The following PTCHD4 variants were observed in gnomAD, a reference collection of about 807,000 sequenced individuals.
The protein encoded by PTCHD4 is patched domain containing 4.
A neutral mutation model predicts 58.1 loss-of-function variants in PTCHD4; 33 were observed. The observed-to-expected ratio is 0.57, with a 90% CI of 0.43 to 0.76. PTCHD4 has a LOEUF of 0.76. Ranked by LOEUF, PTCHD4 falls within the 30% of genes least tolerant of loss-of-function variation. The pLI, the probability that PTCHD4 is intolerant of heterozygous loss-of-function variation, is 0.00. For synonymous variants in PTCHD4, 478 were observed against 409.6 expected (o/e 1.17, Z -2.02); for missense variants, 1,058 against 1,027.1 (o/e 1.03, Z -0.41).
rs1043494527 is a variant in PTCHD4 at position 48,022,146 on chromosome 6, C to A, written c.418-13032G>T. On this transcript the variant is annotated intron_variant, in intron 3 of 4. Transcript: ENST00000339488. Reference sequence around the variant, plus strand: ...CCTACTATGTGAAAAATATTCCCTCCCTCTTCCTTGTTCTATCTCCTTTCT... The same window carrying A: ...CCTACTATGTGAAAAATATTCCCTCACTCTTCCTTGTTCTATCTCCTTTCT... Among the ~76,000 whole-genome samples, 10 of 151,468 alleles carry A rather than the reference C, an allele frequency of 6.6e-5. No homozygotes were observed. In the East Asian group the frequency reaches 1.9e-3, roughly 29 times the overall value.
chr6:47,898,683 T>G (rs1051848388), intron 4 of PTCHD4, among the ~76,000 whole-genome samples: 6 of 152,202 alleles, frequency 3.9e-5, no homozygotes, highest in African/African-American at 1.2e-4. Flanking sequence ...GGAGGATACT[T>G]CTACCTCCCA....
At chr6:48,087,104 T>G (rs1431988290) in intron 1 of PTCHD4, among the ~76,000 whole-genome samples, 1 of 152,170 alleles carries the variant, frequency 6.6e-6, no homozygotes, top group Non-Finnish European at 1.5e-5. Flanking sequence ...AATCCTCCCC[T>G]CTTTTCTATG....
intron 4 of PTCHD4, among the ~76,000 whole-genome samples, chr6:47,965,788 G>A (rs556747691): frequency 1.3e-5 from 2 of 152,126 alleles, no homozygotes; most frequent in Admixed American, 6.5e-5. Flanking sequence ...ATTGGTGGGC[G>A]CCAGTAGTCC....
intron 4 of PTCHD4, among the ~76,000 whole-genome samples, chr6:47,904,937 A>T (rs751325939): frequency 2.0e-5 from 3 of 152,132 alleles, no homozygotes; most frequent in Non-Finnish European, 4.4e-5. Flanking sequence ...GAGTTAAGAC[A>T]TGAAGTGGTG....
At chr6:48,079,627 T>C (rs1765125206) in intron 1 of PTCHD4, among the ~76,000 whole-genome samples, 1 of 150,928 alleles carries the variant, frequency 6.6e-6, no homozygotes, top group South Asian at 2.1e-4. Flanking sequence ...TCTAATCTAG[T>C]AGGGCGGAGT....
At chr6:48,005,043 T>A (rs1045225081) in intron 4 of PTCHD4, among the ~76,000 whole-genome samples, 2 of 152,070 alleles carry the variant, frequency 1.3e-5, no homozygotes, top group East Asian at 3.9e-4. Context: ...ACACATATAA[T>A]TTTTTTTATG....
chr6:48,053,233 C>T (rs989708492), intron 3 of PTCHD4, among the ~76,000 whole-genome samples: 10 of 152,074 alleles, frequency 6.6e-5, no homozygotes, highest in African/African-American at 2.4e-4. Context: ...CGGAGAATGT[C>T]AAGTAAGTCT....
intron 4 of PTCHD4, among the ~76,000 whole-genome samples, chr6:47,949,705 A>T (rs1766561028): frequency 6.6e-6 from 1 of 151,964 alleles, no homozygotes; most frequent in African/African-American, 2.4e-5. Flanking sequence ...ATCCTTCAGA[A>T]CAAACAGTGA....
chr6:48,065,927 T>G (rs1764780366), intron 3 of PTCHD4, among the ~76,000 whole-genome samples: 1 of 152,208 alleles, frequency 6.6e-6, no homozygotes, highest in Admixed American at 6.5e-5. Context: ...AATGATTCCC[T>G]TCTTTAGCAA....
At chr6:47,949,658 T>G (rs1766558022) in intron 4 of PTCHD4, among the ~76,000 whole-genome samples, 1 of 151,998 alleles carries the variant, frequency 6.6e-6, no homozygotes, top group Non-Finnish European at 1.5e-5. Flanking sequence ...CTCTCTCTCT[T>G]TTTTTCCCCC....
chr6:47,879,594 C>T lies in PTCHD4; in HGVS notation c.1241G>A (p.Arg414His), dbSNP rs777076189. ...CKIPSAEYLD[R>H]KPVWFQTVMS... is the part of the protein sequence containing the mutation. Reference sequence around the variant, plus strand: ...CACTGTCTGGAACCACACAGGTTTGCGATCCAGGTATTCTGCAGAAGGGAT... The same window carrying T: ...CACTGTCTGGAACCACACAGGTTTGTGATCCAGGTATTCTGCAGAAGGGAT... Residue 414 changes from arginine to histidine, a missense_variant, in exon 5 of 5, where the codon CGC (arginine) becomes CAC (histidine). Transcript: ENST00000339488. The T allele has an allele frequency of 5.0e-6, 8 of 1,613,532 alleles. No individual in the cohort carries two copies. In the East Asian group the frequency reaches 6.7e-5, roughly 13 times the overall value.
intron 3 of PTCHD4, among the ~76,000 whole-genome samples, chr6:48,039,860 T>C (rs1461186598): frequency 1.3e-5 from 2 of 152,138 alleles, no homozygotes; most frequent in East Asian, 3.9e-4. Context: ...TTACATATGA[T>C]ATCATATTTG....
At chr6:47,883,559 A>T (rs1764087824) in intron 4 of PTCHD4, among the ~76,000 whole-genome samples, 1 of 152,238 alleles carries the variant, frequency 6.6e-6, no homozygotes, top group Admixed American at 6.5e-5. Flanking sequence ...ACTTTAAAAT[A>T]ACTTTAATTA....
intron 3 of PTCHD4, among the ~76,000 whole-genome samples, chr6:48,017,672 G>C (rs1762913117): frequency 6.6e-6 from 1 of 152,154 alleles, no homozygotes; most frequent in African/African-American, 2.4e-5. Context: ...TACTGGAGTA[G>C]CCTCAAGTCA....
intron 4 of PTCHD4, among the ~76,000 whole-genome samples, chr6:47,933,415 G>A (rs1469802576): frequency 6.6e-6 from 1 of 152,168 alleles, no homozygotes; most frequent in Non-Finnish European, 1.5e-5. Flanking sequence ...CTCTTCAAGG[G>A]CCCACATTTT....
chr6:47,951,993 A>C (rs906502769), intron 4 of PTCHD4, among the ~76,000 whole-genome samples: 3 of 152,300 alleles, frequency 2.0e-5, no homozygotes, highest in African/African-American at 7.2e-5. Flanking sequence ...GGAATATTTC[A>C]TTCCTGATTA....
At chr6:48,021,183 T>C (rs1187701428) in intron 3 of PTCHD4, among the ~76,000 whole-genome samples, 2 of 152,164 alleles carry the variant, frequency 1.3e-5, no homozygotes, top group East Asian at 3.8e-4. Flanking sequence ...TTATACATAC[T>C]ACAGTAGAAA....
chr6:48,041,690 C>T (rs674227), intron 3 of PTCHD4, among the ~76,000 whole-genome samples: 87,832 of 151,764 alleles, frequency 0.58, 25,564 homozygotes, highest in East Asian at 0.72. Flanking sequence ...TAGTAGCCCC[C>T]TTACTTCCTG....
In PTCHD4 at chr6:47,860,009, A is replaced by G. The variant is rs1763386716; in HGVS notation, c.*18294T>C. On this transcript the variant is annotated 3_prime_UTR_variant, in exon 5 of 5. Transcript: ENST00000339488. ...CCCTCTTTCGTGAATCTCCCACCCA[A>G]GTTAATGTCTGTGAAGAGATGGTTC... is the stretch of plus-strand genomic sequence containing the variant. Among the ~76,000 whole-genome samples the G allele has an allele frequency of 6.6e-6, 1 of 152,040 alleles. No individual in the cohort carries two copies. The highest frequency in any genetic ancestry group is 2.4e-5 in the African/African-American group (1 of 41,438).
Sources: gnomAD v4.1 joint callset for allele counts (sites outside exome capture counted in the v4.1 genomes callset) on GRCh38, gnomAD v4.1.1 for gene constraint, MANE v1.5 for transcripts, NCBI Gene and HGNC (gene_info 2026-07-23, HGNC 2026-07-21) for gene names.